The following THSD7B variants were observed in gnomAD, a reference collection of about 807,000 sequenced individuals.
THSD7B encodes the protein thrombospondin type-1 domain-containing protein 7B.
A neutral mutation model predicts 213.6 loss-of-function variants in THSD7B; 138 were observed. The ratio of observed to expected loss-of-function variants is 0.65; its 90% confidence interval spans 0.56 to 0.74. The LOEUF (loss-of-function observed/expected upper bound fraction) is 0.74, where lower values mean the gene tolerates loss of function less well. Ranked by LOEUF, THSD7B falls within the 30% of genes least tolerant of loss-of-function variation. The pLI is 0.00. For synonymous variants in THSD7B, 742 were observed against 687.0 expected (o/e 1.08, Z -1.25); for missense variants, 1,931 against 1,991.5 (o/e 0.97, Z 0.58).
intron 10 of THSD7B, among the ~76,000 whole-genome samples, chr2:137,270,679 C>A (rs1682712063): frequency 6.6e-6 from 1 of 152,130 alleles, no homozygotes; most frequent in South Asian, 2.1e-4. Flanking sequence ...AGCTCCTCTA[C>A]CCACGAGGGC....
At chr2:137,157,926 A>C (rs569708271) in intron 5 of THSD7B, among the ~76,000 whole-genome samples, 31 of 152,258 alleles carry the variant, frequency 2.0e-4, no homozygotes, top group African/African-American at 7.2e-4. Context: ...TTTGGAACTA[A>C]AGTTTGAGTT....
At chr2:137,046,775 G>A (rs1342720884) in intron 2 of THSD7B, among the ~76,000 whole-genome samples, 1 of 148,702 alleles carries the variant, frequency 6.7e-6, no homozygotes, top group Non-Finnish European at 1.5e-5. Flanking sequence ...AGTCCATATG[G>A]CCGCCCAGGT....
chr2:137,071,275 T>G (rs1159540036), intron 3 of THSD7B, among the ~76,000 whole-genome samples: 1 of 152,146 alleles, frequency 6.6e-6, no homozygotes, highest in East Asian at 1.9e-4. Context: ...TGAGATGGTG[T>G]TGTGGTTTTG....
At chr2:137,421,765 G>A (rs1686934098) in intron 14 of THSD7B, among the ~76,000 whole-genome samples, 1 of 152,136 alleles carries the variant, frequency 6.6e-6, no homozygotes, top group Non-Finnish European at 1.5e-5. Context: ...GGTGAAAGGA[G>A]GGTAGGAGAA....
At chr2:137,420,018 C>T (rs1686888907) in intron 14 of THSD7B, among the ~76,000 whole-genome samples, 1 of 152,108 alleles carries the variant, frequency 6.6e-6, no homozygotes, top group Non-Finnish European at 1.5e-5. Context: ...TAAGGAAACT[C>T]CATACTGTTA....
At chr2:137,623,207 A>T (rs1210513358) in intron 20 of THSD7B, among the ~76,000 whole-genome samples, 1 of 152,246 alleles carries the variant, frequency 6.6e-6, no homozygotes, top group Non-Finnish European at 1.5e-5. Context: ...TCATCATATA[A>T]ATAGAACCAA....
At chr2:137,514,462 C>G (rs1237526354) in intron 15 of THSD7B, among the ~76,000 whole-genome samples, 5 of 152,204 alleles carry the variant, frequency 3.3e-5, no homozygotes, top group Non-Finnish European at 1.5e-5. Flanking sequence ...CTTCCTTGCT[C>G]CTCAGCTTAC....
chr2:136,881,593 T>C (rs1347341391), intron 1 of THSD7B, among the ~76,000 whole-genome samples: 2 of 152,128 alleles, frequency 1.3e-5, no homozygotes, highest in East Asian at 1.9e-4. Flanking sequence ...ACTTACTTGA[T>C]TTTTTGTACA....
chr2:136,954,872 AATATAT>A (rs1685100174), intron 2 of THSD7B, among the ~76,000 whole-genome samples: 2 of 152,160 alleles, frequency 1.3e-5, no homozygotes, highest in South Asian at 4.1e-4. Flanking sequence ...TTTTACATAA[AATATAT>A]ATAGATACAT....
intron 27 of THSD7B, among the ~76,000 whole-genome samples, chr2:137,670,883 T>C (rs1683554084): frequency 7.6e-6 from 1 of 131,448 alleles, no homozygotes; most frequent in African/African-American, 3.0e-5. Flanking sequence ...ATTGCGCCAC[T>C]GCACTGCAGC....
chr2:137,487,090 C>T (rs557265380), intron 15 of THSD7B, among the ~76,000 whole-genome samples: 5 of 148,624 alleles, frequency 3.4e-5, no homozygotes, highest in South Asian at 2.1e-4. Context: ...AGAACTAGGC[C>T]GGGCGCGGTG....
At chr2:137,315,088 G>A (rs1378663476) in intron 12 of THSD7B, among the ~76,000 whole-genome samples, 2 of 152,150 alleles carry the variant, frequency 1.3e-5, no homozygotes, top group African/African-American at 2.4e-5. Flanking sequence ...GGGCAATGGC[G>A]GGCGCCCCTC....
At chr2:137,553,209 A>T in intron 15 of THSD7B, among the ~76,000 whole-genome samples, 1 of 152,136 alleles carries the variant, frequency 6.6e-6, no homozygotes, top group East Asian at 1.9e-4. Context: ...CTCAAGCTTG[A>T]AGACATCTAC....
chr2:137,188,826 A>G (rs1680603075), intron 7 of THSD7B, among the ~76,000 whole-genome samples: 1 of 152,210 alleles, frequency 6.6e-6, no homozygotes, highest in Non-Finnish European at 1.5e-5. Flanking sequence ...TAAGATATGT[A>G]TATATGGATA....
intron 1 of THSD7B, among the ~76,000 whole-genome samples, chr2:136,865,671 G>A (rs187139686): frequency 6.6e-6 from 1 of 152,162 alleles, no homozygotes; most frequent in Non-Finnish European, 1.5e-5. Context: ...GAAAGAGAAA[G>A]GTTTAGAAAA....
At chr2:137,474,373 T>C (rs1394908104) in intron 15 of THSD7B, among the ~76,000 whole-genome samples, 2 of 152,168 alleles carry the variant, frequency 1.3e-5, no homozygotes, top group African/African-American at 4.8e-5. Context: ...CAAAGTCCAC[T>C]CCCTTTGGTC....
At chr2:137,543,287 A>G (rs887684736) in intron 15 of THSD7B, among the ~76,000 whole-genome samples, 1 of 151,844 alleles carries the variant, frequency 6.6e-6, no homozygotes, top group Admixed American at 6.6e-5. Context: ...TATACAGAAA[A>G]TATGTAGAAC....
intron 18 of THSD7B, among the ~76,000 whole-genome samples, 172 bp from the exon 19 acceptor site, chr2:137,618,220 T>C (rs927740328): frequency 6.6e-5 from 10 of 152,188 alleles, no homozygotes; most frequent in African/African-American, 2.4e-4. Flanking sequence ...GTATTTGTTT[T>C]TTGTTCGTTT....
intron 2 of THSD7B, among the ~76,000 whole-genome samples, chr2:136,960,039 C>T (rs1286192061): frequency 1.3e-5 from 2 of 152,168 alleles, no homozygotes; most frequent in Non-Finnish European, 2.9e-5. Context: ...CATTTTTCAG[C>T]AAGCAAATGA....
Sources: gnomAD v4.1 joint callset for allele counts (sites outside exome capture counted in the v4.1 genomes callset) on GRCh38, gnomAD v4.1.1 for gene constraint, MANE v1.5 for transcripts, NCBI Gene and HGNC (gene_info 2026-07-23, HGNC 2026-07-21) for gene names.